Variants in TRPC7 observed in about 807,000 individuals in gnomAD.
TRPC7 encodes transient receptor potential cation channel subfamily C member 7.
In TRPC7, 42 loss-of-function variants were observed where a neutral mutation model predicts 90.1. The ratio of observed to expected loss-of-function variants is 0.47; its 90% CI spans 0.36 to 0.60. The LOEUF is 0.60. Among genes scored for constraint, TRPC7 ranks in the 20% least tolerant of loss-of-function variants. The probability of loss-of-function intolerance (pLI) is 0.00; values close to 1 mark genes in which losing one functional copy is unlikely to be tolerated. For synonymous variants in TRPC7, 451 were observed against 436.3 expected (o/e 1.03, Z -0.42); for missense variants, 955 against 1,112.3 (o/e 0.86, Z 2.01).
chr5:136,364,343 G>A (rs369752052), intron 1 of TRPC7, among the ~76,000 whole-genome samples: 3 of 152,184 alleles, frequency 2.0e-5, no homozygotes, highest in African/African-American at 7.2e-5. Flanking sequence ...TAGAAGTTTG[G>A]TAAGCTTTTA....
chr5:136,338,980 G>A (rs1055839407), intron 2 of TRPC7, among the ~76,000 whole-genome samples: 6 of 152,024 alleles, frequency 3.9e-5, no homozygotes, highest in Admixed American at 2.0e-4. Context: ...TGAAAAATAC[G>A]TATCTGGGGT....
At chr5:136,342,601 T>C (rs1759879379) in intron 2 of TRPC7, among the ~76,000 whole-genome samples, 1 of 152,184 alleles carries the variant, frequency 6.6e-6, no homozygotes, top group South Asian at 2.1e-4. Flanking sequence ...ACCCTCATCT[T>C]ATATTAGGCT....
At chr5:136,227,503 C>G (rs1755666421) in intron 8 of TRPC7, among the ~76,000 whole-genome samples, 1 of 152,020 alleles carries the variant, frequency 6.6e-6, no homozygotes, top group Non-Finnish European at 1.5e-5. Context: ...GGATATACCA[C>G]AAGAGTATAG....
intron 5 of TRPC7, among the ~76,000 whole-genome samples, chr5:136,264,273 GT>G (rs1756954150): frequency 6.6e-6 from 1 of 152,190 alleles, no homozygotes; most frequent in South Asian, 2.1e-4. Flanking sequence ...AGCCACACCT[GT>G]TCAAGGGAAA....
intron 3 of TRPC7, among the ~76,000 whole-genome samples, chr5:136,287,117 G>A (rs1757745356): frequency 6.6e-6 from 1 of 152,148 alleles, no homozygotes; most frequent in Non-Finnish European, 1.5e-5. Context: ...GACCCCATCT[G>A]TATGTCTGGG....
At chr5:136,289,665 C>T (rs1757863440) in intron 3 of TRPC7, among the ~76,000 whole-genome samples, 1 of 152,216 alleles carries the variant, frequency 6.6e-6, no homozygotes, top group South Asian at 2.1e-4. Flanking sequence ...CTGGGTGGAG[C>T]CCACCATAGC....
At chr5:136,354,968 CCCAGGAGA>C (rs1392517725) in intron 2 of TRPC7, among the ~76,000 whole-genome samples, 7 of 152,222 alleles carry the variant, frequency 4.6e-5, no homozygotes, top group African/African-American at 1.4e-4. Context: ...AAAAACGTGT[CCCAGGAGA>C]GCCTTCCTTG....
intron 2 of TRPC7, among the ~76,000 whole-genome samples, chr5:136,320,033 G>C (rs866718088): frequency 6.6e-6 from 1 of 151,730 alleles, no homozygotes; most frequent in African/African-American, 2.4e-5. Flanking sequence ...TTTCTTCTCC[G>C]TATCCAATTA....
chr5:136,234,100 A>G (rs1028628075), intron 7 of TRPC7, among the ~76,000 whole-genome samples: 3 of 152,186 alleles, frequency 2.0e-5, no homozygotes, highest in African/African-American at 7.2e-5. Flanking sequence ...TCTGTCTTCC[A>G]GACAATCTTC....
At chr5:136,316,765 A>G (rs1016993467) in intron 2 of TRPC7, among the ~76,000 whole-genome samples, 4 of 152,236 alleles carry the variant, frequency 2.6e-5, no homozygotes, top group Non-Finnish European at 5.9e-5. Flanking sequence ...ATTTTCCCTC[A>G]GAGGCCTCCT....
At chr5:136,265,153 T>G (rs2149811730) in intron 5 of TRPC7, among the ~76,000 whole-genome samples, 1 of 152,312 alleles carries the variant, frequency 6.6e-6, no homozygotes, top group Middle Eastern at 3.4e-3. Flanking sequence ...GTGATTTTGT[T>G]GATTTGACCC....
At chr5:136,224,379 T>C (rs1336019437) in intron 10 of TRPC7, among the ~76,000 whole-genome samples, 1 of 152,182 alleles carries the variant, frequency 6.6e-6, no homozygotes, top group African/African-American at 2.4e-5. Flanking sequence ...TAAAAGTTCT[T>C]TTTCTAATTT....
Position 136,247,704 on chromosome 5 carries a change from C to G in TRPC7, c.1611G>C (p.Gln537His). The G allele has an allele frequency of 6.2e-7, 1 of 1,613,822 alleles. No individual in the cohort carries two copies. The highest frequency in any genetic ancestry group is 8.5e-7 in the Non-Finnish European group (1 of 1,179,764). Residue 537 changes from glutamine (Q) to histidine (H), a missense_variant, in exon 7 of 12, where the codon CAG (glutamine) becomes CAC (histidine). Gln to His is a conservative substitution (Grantham distance 24). Transcript: ENST00000513104. The surrounding 1 kb of genome is among the most constrained non-coding windows in gnomAD (Gnocchi z 4.2). The part of the protein sequence containing the change: ...ARDKWWPSDP[Q>H]IISEGLYAIA... ...TCGCGTAGAGCCCTTCCGATATGAT[C>G]TGAGGGTCTGAAGGCCACCACTTGT...
In TRPC7 at chr5:136,262,227, CG is replaced by C. The variant is rs796615329; in HGVS notation, c.1345+3992del. ...TCAGTGATCCTTTAAAAACTGAAGT[CG>C]TATGATGTCACTTTTGTGCTGAAAA... On this transcript the variant is annotated intron_variant, in intron 5 of 11. Transcript: ENST00000513104. 6.8e-4 allele frequency among the ~76,000 whole-genome samples: 104 copies of C among 152,276 alleles called. 1 individual carries two copies. Among genetic ancestry groups the C allele is most frequent in the African/African-American group, 2.4e-3 (101 of 41,552 alleles).
At chr5:136,279,334 C>A (rs538926484) in intron 3 of TRPC7, among the ~76,000 whole-genome samples, 1 of 152,174 alleles carries the variant, frequency 6.6e-6, no homozygotes, top group Non-Finnish European at 1.5e-5. Context: ...CTTAATGAAC[C>A]AACCTATGTC....
At chr5:136,297,954 G>C (rs1294121243) in intron 3 of TRPC7, among the ~76,000 whole-genome samples, 2 of 150,752 alleles carry the variant, frequency 1.3e-5, no homozygotes, top group African/African-American at 4.9e-5. Flanking sequence ...AGAAGACTTA[G>C]GTGCTACACA....
At chr5:136,276,821 G>T (rs1214433309) in intron 3 of TRPC7, among the ~76,000 whole-genome samples, 1 of 152,226 alleles carries the variant, frequency 6.6e-6, no homozygotes, top group African/African-American at 2.4e-5. Flanking sequence ...AAGTCATGCA[G>T]ACATTTCTGT....
In TRPC7 at chr5:136,251,590, C is replaced by A. The variant is rs191151315; in HGVS notation, c.1579+59G>T. ...TACAAGTTCACCAGCCACAGTGAAG[C>A]ACCAGGCCCACGTCCCGGAAGCGCC... On this transcript the variant is annotated intron_variant, in intron 6 of 11. Transcript: ENST00000513104. 178 of 1,341,328 alleles carry A rather than the reference C, an allele frequency of 1.3e-4. 1 individual carries two copies. In the Middle Eastern group the frequency reaches 1.4e-3, roughly 11 times the overall value. 83.1% of individuals were successfully genotyped at this position (1,341,328 alleles called of 1,614,324 possible).
chr5:136,217,160 G>A (rs1335580313), intron 10 of TRPC7, among the ~76,000 whole-genome samples: 1 of 152,184 alleles, frequency 6.6e-6, no homozygotes, highest in African/African-American at 2.4e-5. Context: ...GAGAGGAAGG[G>A]ATTTCCCTGC....
Sources: allele counts gnomAD v4.1 joint callset (sites outside exome capture counted in the v4.1 genomes callset), GRCh38; gene constraint gnomAD v4.1.1; non-coding constraint Gnocchi (gnomAD v3.1); transcripts MANE v1.5; gene names NCBI Gene and HGNC (gene_info 2026-07-23, HGNC 2026-07-21).